NEGR1: variants seen among roughly 807,000 people sequenced by gnomAD.
The protein encoded by NEGR1 is neuronal growth regulator 1.
A neutral mutation model predicts 40.9 loss-of-function variants in NEGR1; 10 were observed. That is an observed-to-expected ratio of 0.24 (90% CI 0.15 to 0.42). The LOEUF (loss-of-function observed/expected upper bound fraction) is 0.42. Among genes scored for constraint, NEGR1 ranks in the 10% least tolerant of loss-of-function variants. The pLI, the probability that NEGR1 is intolerant of heterozygous loss-of-function variation, is 1.00. For synonymous variants in NEGR1, 185 were observed against 166.8 expected (o/e 1.11, Z -0.84); for missense variants, 352 against 438.9 (o/e 0.80, Z 1.77).
At chr1:71,934,470 A>G (rs1645885314) in intron 2 of NEGR1, among the ~76,000 whole-genome samples, 1 of 152,158 alleles carries the variant, frequency 6.6e-6, no homozygotes, top group South Asian at 2.1e-4. Context: ...AAGAAATCCT[A>G]GAAGGCTGCT....
intron 3 of NEGR1, among the ~76,000 whole-genome samples, chr1:71,773,723 T>C (rs1315790138): frequency 6.6e-6 from 1 of 152,222 alleles, no homozygotes; most frequent in Non-Finnish European, 1.5e-5. Context: ...TTAATATTTA[T>C]GCTAATTTTA....
intron 6 of NEGR1, among the ~76,000 whole-genome samples, chr1:71,434,461 T>A (rs758070963): frequency 1.3e-5 from 2 of 152,212 alleles, no homozygotes; most frequent in Non-Finnish European, 2.9e-5. Flanking sequence ...GTGATGAGTA[T>A]CTGCTTAATA....
chr1:71,592,781 C>A (rs754456864), intron 6 of NEGR1, 36 bp downstream of exon 6: 2 of 1,572,418 alleles, frequency 1.3e-6, no homozygotes, highest in Admixed American at 1.7e-5. Flanking sequence ...GGCCCAGAGG[C>A]CCCTGGAAGC....
At chr1:72,107,249 T>A (rs1040070700) in intron 1 of NEGR1, among the ~76,000 whole-genome samples, 1 of 151,694 alleles carries the variant, frequency 6.6e-6, no homozygotes, top group African/African-American at 2.4e-5. Flanking sequence ...ACCATACTTA[T>A]GAATAGAATG....
At chr1:71,498,676 G>C (rs1414895297) in intron 6 of NEGR1, among the ~76,000 whole-genome samples, 1 of 152,036 alleles carries the variant, frequency 6.6e-6, no homozygotes, top group Admixed American at 6.6e-5. Context: ...AGATCCCCTT[G>C]CTTCCATTTT....
At chr1:71,474,717 C>CAAAAAAAAAAAAAAAAAAAAAAAAA (rs56219737) in intron 6 of NEGR1, among the ~76,000 whole-genome samples, 1 of 86,032 alleles carries the variant, frequency 1.2e-5, no homozygotes, top group Non-Finnish European at 2.2e-5. Flanking sequence ...GACTCTATCT[C>CAAAAAAAAAAAAAAAAAAAAAAAAA]AAAAAAAAAA....
intron 2 of NEGR1, among the ~76,000 whole-genome samples, chr1:71,888,034 CA>C (rs1660776823): frequency 2.1e-5 from 3 of 144,584 alleles, no homozygotes; most frequent in African/African-American, 5.2e-5. Flanking sequence ...CACACACACA[CA>C]CCTCTAGAAT....
At position 72,240,403 on chromosome 1, in the gene NEGR1, T is replaced by C. The variant is rs750001639; in HGVS notation, c.176+41916A>G. 8.4e-4 allele frequency among the ~76,000 whole-genome samples: 127 copies of C among 151,922 alleles called. 1 individual carries two copies. Among genetic ancestry groups the C allele is most frequent in the Middle Eastern group, 3.4e-3 (1 of 294 alleles). ...TCAGAGTTTTGACTGAAAAGTTAAA[T>C]AAGCAAACTTCCCATTTAATGGGTG... On this transcript the variant is annotated intron_variant, in intron 1 of 6. Coordinates refer to ENST00000357731, the MANE Select transcript of NEGR1 (RefSeq NM_173808.3).
intron 1 of NEGR1, among the ~76,000 whole-genome samples, chr1:72,226,303 A>G (rs1393329205): frequency 6.6e-6 from 1 of 152,000 alleles, no homozygotes; most frequent in Non-Finnish European, 1.5e-5. Flanking sequence ...AATATCAAGA[A>G]TCAATGCCTA....
intron 6 of NEGR1, among the ~76,000 whole-genome samples, chr1:71,467,280 T>C (rs1013362113): frequency 6.6e-6 from 1 of 152,034 alleles, no homozygotes; most frequent in African/African-American, 2.4e-5. Flanking sequence ...GTGAGAGAAA[T>C]GTGCCTGAAG....
chr1:72,197,372 T>C (rs1024399929), intron 1 of NEGR1, among the ~76,000 whole-genome samples: 1 of 152,060 alleles, frequency 6.6e-6, no homozygotes, highest in African/African-American at 2.4e-5. Flanking sequence ...ACTACTTTTG[T>C]CATTTTGCCT....
intron 6 of NEGR1, among the ~76,000 whole-genome samples, chr1:71,450,822 A>T (rs1480124802): frequency 2.0e-5 from 3 of 150,914 alleles, no homozygotes; most frequent in Non-Finnish European, 3.0e-5. Flanking sequence ...GAAAAAAAGA[A>T]AAAAAAAAGG....
At chr1:72,266,748 C>CACAA (rs1655657136) in intron 1 of NEGR1, among the ~76,000 whole-genome samples, 1 of 150,052 alleles carries the variant, frequency 6.7e-6, no homozygotes, top group African/African-American at 2.4e-5. Flanking sequence ...CACACACACA[C>CACAA]ACACACACAC....
At chr1:71,533,697 T>C (rs1388872901) in intron 6 of NEGR1, among the ~76,000 whole-genome samples, 1 of 151,686 alleles carries the variant, frequency 6.6e-6, no homozygotes, top group Non-Finnish European at 1.5e-5. Flanking sequence ...ACAATGTATA[T>C]AGTTGTATTT....
At chr1:71,442,448 T>C (rs943170401) in intron 6 of NEGR1, among the ~76,000 whole-genome samples, 1 of 151,960 alleles carries the variant, frequency 6.6e-6, no homozygotes, top group African/African-American at 2.4e-5. Context: ...ATCCAGACTC[T>C]ACTAAAAATA....
At chr1:71,620,979 A>G (rs958058876) in intron 4 of NEGR1, among the ~76,000 whole-genome samples, 1 of 151,940 alleles carries the variant, frequency 6.6e-6, no homozygotes, top group Non-Finnish European at 1.5e-5. Context: ...TTTAAGGAAA[A>G]TGCTTCATAC....
At chr1:71,435,293 G>A (rs140330920) in intron 6 of NEGR1, among the ~76,000 whole-genome samples, 2,327 of 152,166 alleles carry the variant, frequency 0.015, 43 homozygotes, top group South Asian at 0.085. Flanking sequence ...AAGTTATTAC[G>A]TGACAATTGG....
At chr1:71,513,543 T>G (rs1446904635) in intron 6 of NEGR1, among the ~76,000 whole-genome samples, 2 of 152,246 alleles carry the variant, frequency 1.3e-5, no homozygotes, top group Non-Finnish European at 2.9e-5. Context: ...GGCAAGCCAA[T>G]ATTAAATCTG....
chr1:72,152,675 T>C (rs1284208609), intron 1 of NEGR1, among the ~76,000 whole-genome samples: 1 of 151,990 alleles, frequency 6.6e-6, no homozygotes, highest in Non-Finnish European at 1.5e-5. Flanking sequence ...CATGTACTTA[T>C]ATGTTCATAG....
Sources: gnomAD v4.1 joint callset for allele counts (sites outside exome capture counted in the v4.1 genomes callset) on GRCh38, gnomAD v4.1.1 for gene constraint, MANE v1.5 for transcripts, NCBI Gene and HGNC (gene_info 2026-07-23, HGNC 2026-07-21) for gene names.